Variants in GLIS3 observed in about 807,000 individuals in gnomAD.
GLIS3 encodes the protein zinc finger protein GLIS3.
GLIS3 carries 53 observed loss-of-function variants against 78.6 expected under a neutral mutation model. The observed-to-expected ratio is 0.67, with a 90% CI of 0.54 to 0.85. GLIS3 has a LOEUF of 0.85. GLIS3 is among the 40% of genes least tolerant of loss of function. The pLI, the probability that GLIS3 is intolerant of heterozygous loss-of-function variation, is 0.00. For synonymous variants in GLIS3, 684 were observed against 509.9 expected (o/e 1.34, Z -4.60); for missense variants, 1,703 against 1,231.1 (o/e 1.38, Z -5.74).
chr9:4,409,912 T>C, the GLIS3 span, among the ~76,000 whole-genome samples: 4 of 152,198 alleles, frequency 2.6e-5, no homozygotes, highest in Admixed American at 6.5e-5. Context: ...TTTTACTATC[T>C]TTTTTGACAG....
At chr9:3,886,511 A>G (rs746475874) in intron 7 of GLIS3, among the ~76,000 whole-genome samples, 3 of 152,208 alleles carry the variant, frequency 2.0e-5, no homozygotes, top group Non-Finnish European at 2.9e-5. Context: ...AGCTTAGTTT[A>G]TCTTGAAGTA....
intron 2 of GLIS3, among the ~76,000 whole-genome samples, chr9:4,201,418 T>G (rs1421838499): frequency 1.3e-5 from 2 of 152,158 alleles, no homozygotes; most frequent in African/African-American, 4.8e-5. Flanking sequence ...AAAATCTGAT[T>G]CTATACCTAG....
chr9:4,358,264 T>C, the GLIS3 span, among the ~76,000 whole-genome samples: 1 of 152,176 alleles, frequency 6.6e-6, no homozygotes, highest in African/African-American at 2.4e-5. Context: ...TGCTTTTTTT[T>C]GTATACTCGT....
chr9:4,248,771 G>A (rs890699820), intron 2 of GLIS3, among the ~76,000 whole-genome samples: 47 of 152,108 alleles, frequency 3.1e-4, no homozygotes, highest in African/African-American at 9.7e-4. Flanking sequence ...ACTTTTTAAT[G>A]ACCGCCATTC....
chr9:4,060,703 C>T (rs7019222), intron 4 of GLIS3, among the ~76,000 whole-genome samples: 4,304 of 152,268 alleles, frequency 0.028, 201 homozygotes, highest in African/African-American at 0.098. Flanking sequence ...TGGATGCAAC[C>T]TCTCAACCTT....
At chr9:4,424,860 CA>C in the GLIS3 span, among the ~76,000 whole-genome samples, 1 of 151,302 alleles carries the variant, frequency 6.6e-6, no homozygotes, top group Non-Finnish European at 1.5e-5. Flanking sequence ...GTGCCCAGCC[CA>C]TTTTTTTTTT....
At chr9:4,015,227 G>A (rs965177431) in intron 4 of GLIS3, among the ~76,000 whole-genome samples, 12 of 152,180 alleles carry the variant, frequency 7.9e-5, no homozygotes, top group African/African-American at 2.9e-4. Context: ...AGGGATGTGA[G>A]GAAGGGGGTG....
At chr9:4,467,700 G>A in the GLIS3 span, among the ~76,000 whole-genome samples, 1 of 152,140 alleles carries the variant, frequency 6.6e-6, no homozygotes, top group East Asian at 1.9e-4. Flanking sequence ...CAGAAAAGCT[G>A]AAAATTCTAA....
intron 2 of GLIS3, among the ~76,000 whole-genome samples, chr9:4,134,431 G>A (rs1285035498): frequency 6.6e-6 from 1 of 152,130 alleles, no homozygotes; most frequent in Non-Finnish European, 1.5e-5. Context: ...GGAAATGGTG[G>A]CTGGCCTCCA....
chr9:4,096,967 G>A (rs969656914), intron 4 of GLIS3, among the ~76,000 whole-genome samples: 2 of 152,092 alleles, frequency 1.3e-5, no homozygotes, highest in Non-Finnish European at 2.9e-5. Context: ...AGCCGAGATC[G>A]TGCCACTGCA....
intron 2 of GLIS3, among the ~76,000 whole-genome samples, chr9:4,278,761 A>G (rs930917464): frequency 6.6e-6 from 1 of 152,240 alleles, no homozygotes; most frequent in African/African-American, 2.4e-5. Flanking sequence ...TTACTTATAC[A>G]TTTTGAAAGA....
chr9:4,362,649 G>C, the GLIS3 span, among the ~76,000 whole-genome samples: 1 of 152,310 alleles, frequency 6.6e-6, no homozygotes, highest in Admixed American at 6.5e-5. Context: ...GGCAATGCCT[G>C]GATATTATTC....
chr9:4,436,272 T>C, the GLIS3 span, among the ~76,000 whole-genome samples: 4 of 152,222 alleles, frequency 2.6e-5, no homozygotes, highest in Non-Finnish European at 5.9e-5. Flanking sequence ...AATGGTGTTA[T>C]AGAAAAATAT....
intron 2 of GLIS3, among the ~76,000 whole-genome samples, chr9:4,214,997 C>G (rs7024079): frequency 6.6e-6 from 1 of 152,148 alleles, no homozygotes; most frequent in Non-Finnish European, 1.5e-5. Context: ...ACAGCTCTCC[C>G]TGTACTTTGA....
intron 2 of GLIS3, among the ~76,000 whole-genome samples, chr9:4,179,941 A>C (rs1165356879): frequency 1.3e-5 from 2 of 152,024 alleles, no homozygotes; most frequent in African/African-American, 4.8e-5. Flanking sequence ...TAGCCGCGTT[A>C]ACAGCATTTT....
rs527746259 is a variant in GLIS3, at chr9:4,264,393, C to T, written c.388+21645G>A. ...ACTGGTTGTCTTGTTTTCACTCTTG[C>T]TTTCCCATCCGGACTATTCTCAATA... is the stretch of plus-strand genomic sequence containing the variant. On this transcript the variant is annotated intron_variant, in intron 2 of 10. Coordinates refer to ENST00000381971, the MANE Select transcript of GLIS3 (RefSeq NM_001042413.2). Among the ~76,000 whole-genome samples, 95 of 152,306 alleles carry T rather than the reference C, an allele frequency of 6.2e-4. 1 individual carries two copies. The highest frequency in any genetic ancestry group is 2.0e-3 in the Admixed American group (31 of 15,296).
In GLIS3 at chr9:3,832,833, A is replaced by C. The variant is rs1484404229; in HGVS notation, c.2474-3341T>G. ...TCAGCGTAATATCAACCTTCCAAGA[A>C]AAGATTTTTTCACTAAACTCCCACA... On this transcript the variant is annotated intron_variant, in intron 9 of 10. Transcript: ENST00000381971. Among the ~76,000 whole-genome samples, 8 of 152,306 alleles carry C rather than the reference A, an allele frequency of 5.3e-5. No individual in the cohort carries two copies. In the East Asian group the frequency reaches 1.5e-3, roughly 29 times the overall value.
At chr9:3,909,076 A>C (rs985747937) in intron 6 of GLIS3, among the ~76,000 whole-genome samples, 10 of 152,284 alleles carry the variant, frequency 6.6e-5, no homozygotes, top group African/African-American at 2.2e-4. Flanking sequence ...TCCAGAAATC[A>C]AATGCCACCA....
chr9:4,319,252 G>C (rs1329016487), intron 2 of GLIS3, among the ~76,000 whole-genome samples: 1 of 152,134 alleles, frequency 6.6e-6, no homozygotes, highest in African/African-American at 2.4e-5. Context: ...GGTTATGTTA[G>C]AAAATATCAC....
Sources: allele counts gnomAD v4.1 joint callset (sites outside exome capture counted in the v4.1 genomes callset), GRCh38; gene constraint gnomAD v4.1.1; transcripts MANE v1.5; gene names NCBI Gene and HGNC (gene_info 2026-07-23, HGNC 2026-07-21).